The following CDC42SE2 variants were observed in gnomAD, a reference collection of about 807,000 sequenced individuals.
CDC42SE2 encodes CDC42 small effector 2, also known as CDC42 small effector protein 2.
In CDC42SE2, 3 loss-of-function variants were observed where a neutral mutation model predicts 11.5. The ratio of observed to expected loss-of-function variants is 0.26; its 90% CI spans 0.12 to 0.67. The LOEUF (loss-of-function observed/expected upper bound fraction) is 0.67, where lower values mean the gene tolerates loss of function less well. Among genes scored for constraint, CDC42SE2 ranks in the 30% least tolerant of loss-of-function variants. CDC42SE2 has a pLI of 0.80. For missense variants in CDC42SE2, 82 were observed against 106.8 expected (o/e 0.77, Z 1.02); for synonymous variants, 33 against 34.8 (o/e 0.95, Z 0.18).
intron 1 of CDC42SE2, among the ~76,000 whole-genome samples, chr5:131,284,804 A>T (rs1757307866): frequency 1.3e-5 from 2 of 152,242 alleles, no homozygotes; most frequent in South Asian, 4.1e-4. Flanking sequence ...TATTTTCCAC[A>T]CTTTTTACAA....
chr5:131,346,492 G>T (rs1409303398), intron 2 of CDC42SE2, among the ~76,000 whole-genome samples: 1 of 152,300 alleles, frequency 6.6e-6, no homozygotes, highest in South Asian at 2.1e-4. Flanking sequence ...GGAGTACCCA[G>T]ATTCATAAAG....
chr5:131,272,256 A>G (rs1757009188), intron 1 of CDC42SE2, among the ~76,000 whole-genome samples: 2 of 152,006 alleles, frequency 1.3e-5, no homozygotes, highest in East Asian at 1.9e-4. Context: ...CCTGACCTCA[A>G]GTGATCCACC....
chr5:131,313,937 C>T (rs952451989), intron 1 of CDC42SE2, among the ~76,000 whole-genome samples: 2 of 152,174 alleles, frequency 1.3e-5, no homozygotes, highest in Non-Finnish European at 2.9e-5. Flanking sequence ...AAGCGATCCT[C>T]CTGCCTCGGC....
At chr5:131,344,091 C>A (rs1758776995) in intron 2 of CDC42SE2, among the ~76,000 whole-genome samples, 1 of 152,166 alleles carries the variant, frequency 6.6e-6, no homozygotes, top group Non-Finnish European at 1.5e-5. Context: ...CTGCAGCTCC[C>A]AGCATGAGCG....
intron 3 of CDC42SE2, among the ~76,000 whole-genome samples, chr5:131,365,594 C>T (rs1457835792): frequency 6.6e-6 from 1 of 152,146 alleles, no homozygotes; most frequent in Non-Finnish European, 1.5e-5. Flanking sequence ...CACAAATGTG[C>T]ATGTTCCTGA....
intron 1 of CDC42SE2, among the ~76,000 whole-genome samples, chr5:131,296,816 A>C (rs1473842608): frequency 6.6e-6 from 1 of 152,168 alleles, no homozygotes; most frequent in African/African-American, 2.4e-5. Context: ...GTAGTCTTTC[A>C]TATATGAAAA....
intron 2 of CDC42SE2, among the ~76,000 whole-genome samples, chr5:131,340,232 T>A (rs1386333173): frequency 6.6e-6 from 1 of 152,204 alleles, no homozygotes; most frequent in Non-Finnish European, 1.5e-5. Context: ...AAATATTAAA[T>A]GGAAATTTTT....
At chr5:131,328,686 C>T (rs1758347149) in intron 2 of CDC42SE2, among the ~76,000 whole-genome samples, 1 of 152,170 alleles carries the variant, frequency 6.6e-6, no homozygotes, top group Non-Finnish European at 1.5e-5. Context: ...AGTGAGTCAT[C>T]CTTCTTTCAC....
At chr5:131,344,690 C>T (rs1247543694) in intron 2 of CDC42SE2, among the ~76,000 whole-genome samples, 2 of 152,202 alleles carry the variant, frequency 1.3e-5, no homozygotes, top group Non-Finnish European at 2.9e-5. Context: ...TGAGAATGGA[C>T]AGAATGCCTC....
At chr5:131,301,468 A>T (rs1757682070) in intron 1 of CDC42SE2, among the ~76,000 whole-genome samples, 1 of 152,122 alleles carries the variant, frequency 6.6e-6, no homozygotes, top group African/African-American at 2.4e-5. Flanking sequence ...CAATTAAAAA[A>T]TTTTAAAAGG....
chr5:131,336,399 T>C (rs1033719317), intron 2 of CDC42SE2, among the ~76,000 whole-genome samples: 1 of 152,210 alleles, frequency 6.6e-6, no homozygotes, highest in African/African-American at 2.4e-5. Flanking sequence ...TGGCTGCCCT[T>C]AACATTTTTT....
chr5:131,379,271 T>C lies in CDC42SE2; in HGVS notation c.55-6272T>C, dbSNP rs568398046. ...CTGCTTCTAGAACTACCTCAGGCTG[T>C]ACCATCTTTTACTCTTACTGTAGGC... On this transcript the variant is annotated intron_variant, in intron 3 of 4. Coordinates refer to ENST00000505065, the MANE Select transcript of CDC42SE2 (RefSeq NM_001375635.1). 2.4e-3 allele frequency among the ~76,000 whole-genome samples: 368 copies of C among 152,352 alleles called. 2 individuals carry two copies. Among genetic ancestry groups the C allele is most frequent in the African/African-American group, 8.1e-3 (336 of 41,574 alleles).
chr5:131,223,509 A>G, the CDC42SE2 span, among the ~76,000 whole-genome samples: 2 of 152,138 alleles, frequency 1.3e-5, no homozygotes, highest in Non-Finnish European at 2.9e-5. Flanking sequence ...AACTCCACCC[A>G]AATTACTTGT....
chr5:131,334,371 T>A (rs1014541362), intron 2 of CDC42SE2, among the ~76,000 whole-genome samples: 4 of 152,218 alleles, frequency 2.6e-5, no homozygotes, highest in African/African-American at 7.2e-5. Flanking sequence ...TTTGCCAGTA[T>A]TTTATTGAGA....
intron 2 of CDC42SE2, among the ~76,000 whole-genome samples, chr5:131,326,294 G>A (rs1230879064): frequency 2.0e-5 from 3 of 151,960 alleles, no homozygotes; most frequent in Admixed American, 1.3e-4. Flanking sequence ...TAATAGAGAC[G>A]GGGTTTCACT....
At chr5:131,291,122 A>G (rs1757450067) in intron 1 of CDC42SE2, among the ~76,000 whole-genome samples, 1 of 152,140 alleles carries the variant, frequency 6.6e-6, no homozygotes, top group African/African-American at 2.4e-5. Flanking sequence ...TTGTTTTTTA[A>G]TTATTTCTTA....
At chr5:131,232,100 G>A in the CDC42SE2 span, among the ~76,000 whole-genome samples, 48,104 of 150,956 alleles carry the variant, frequency 0.32, 12,101 homozygotes, top group African/African-American at 0.71. Flanking sequence ...TAGAATTACT[G>A]TACATTTGTT....
chr5:131,292,000 T>C (rs1046701085), intron 1 of CDC42SE2, among the ~76,000 whole-genome samples: 16 of 151,982 alleles, frequency 1.1e-4, no homozygotes, highest in African/African-American at 3.9e-4. Flanking sequence ...TCCCAGCACA[T>C]TGGGAGGCAG....
intron 2 of CDC42SE2, among the ~76,000 whole-genome samples, chr5:131,320,062 A>T (rs1291736387): frequency 7.7e-6 from 1 of 130,586 alleles, no homozygotes; most frequent in African/African-American, 3.5e-5. Flanking sequence ...AAGAAAAAAA[A>T]AAAAAAAAAA....
Sources: allele counts gnomAD v4.1 joint callset (sites outside exome capture counted in the v4.1 genomes callset), GRCh38; gene constraint gnomAD v4.1.1; transcripts MANE v1.5; gene names NCBI Gene and HGNC (gene_info 2026-07-23, HGNC 2026-07-21).